Variants in TNFSF8 observed in about 807,000 individuals in gnomAD.
TNFSF8 encodes the protein TNF superfamily member 8.
In TNFSF8, 4 loss-of-function variants were observed where a neutral mutation model predicts 22.0. The observed-to-expected ratio is 0.18, with a 90% CI of 0.09 to 0.42. TNFSF8 has a LOEUF of 0.42. Among genes scored for constraint, TNFSF8 ranks in the 10% least tolerant of loss-of-function variants. TNFSF8 has a pLI of 1.00. For synonymous variants in TNFSF8, 106 were observed against 112.5 expected, an observed-to-expected ratio of 0.94 and a Z score of 0.37; for missense variants, 233 against 281.8, an observed-to-expected ratio of 0.83 and a Z score of 1.24.
intron 2 of TNFSF8, among the ~76,000 whole-genome samples, chr9:114,908,631 G>C (rs2131342962): frequency 6.8e-6 from 1 of 145,988 alleles, no homozygotes; most frequent in South Asian, 2.1e-4. Flanking sequence ...GTAATTCTGA[G>C]AAACCCGAGG....
At chr9:114,896,381 C>T (rs934299609), downstream of TNFSF8, among the ~76,000 whole-genome samples, 2 of 152,154 alleles carry the variant, frequency 1.3e-5, no homozygotes, top group African/African-American at 4.8e-5. Flanking sequence ...GTTCTAAATC[C>T]AGAGATTCTA....
Position 114,904,057 on chromosome 9 carries a change from G to T in TNFSF8, c.579C>A (p.Phe193Leu). Residue 193 changes from phenylalanine (F) to leucine (L), a missense_variant, in exon 4 of 4, where the codon TTC becomes TTA. By Grantham distance (22) the Phe-to-Leu change is conservative. Coordinates refer to ENST00000223795, the MANE Select transcript of TNFSF8 (RefSeq NM_001244.4). The part of the protein sequence containing the change: ...TKHVYQNLSQ[F>L]LLDYLQVNTT... The stretch of plus-strand genomic sequence containing the variant: ...TGTTGACCTGCAGGTAATCCAGCAA[G>T]AATTGAGAGAGATTCTGGTATACGT... 1 of 1,614,140 alleles carries T rather than the reference G, an allele frequency of 6.2e-7. No homozygotes were observed. The highest frequency in any genetic ancestry group is 8.5e-7 in the Non-Finnish European group (1 of 1,179,984).
intron 1 of TNFSF8, among the ~76,000 whole-genome samples, chr9:114,926,050 G>T (rs1048105956): frequency 6.6e-6 from 1 of 152,080 alleles, no homozygotes; most frequent in African/African-American, 2.4e-5. Context: ...TCCTGACTTT[G>T]TAGTCTGTTG....
downstream of TNFSF8, among the ~76,000 whole-genome samples, chr9:114,898,174 T>C (rs1827676553): frequency 1.0e-5 from 1 of 100,224 alleles, no homozygotes; most frequent in Non-Finnish European, 1.9e-5. Context: ...AGCTAATTTT[T>C]TGTATTTTTA....
chr9:114,901,152 TTAGA>T lies in TNFSF8; in HGVS notation c.*2775_*2778del. On this transcript the variant is annotated 3_prime_UTR_variant, in exon 4 of 4. Coordinates refer to ENST00000223795, the MANE Select transcript of TNFSF8 (RefSeq NM_001244.4). ...TGTTTTAGGTAGCCTGAGTTCCCAG[TTAGA>T]TAAATTATTTATTTTACTTGCATAG... 1.0e-6 allele frequency: 1 copy of T among 985,296 alleles called. No homozygotes were observed. Among genetic ancestry groups the T allele is most frequent in the Non-Finnish European group, 1.2e-6 (1 of 829,884 alleles). The allele number at this position is 985,296 out of a possible 1,614,324, so 61.0% of individuals were successfully genotyped here.
At chr9:114,923,212 C>T (rs1828010944) in intron 1 of TNFSF8, among the ~76,000 whole-genome samples, 1 of 152,114 alleles carries the variant, frequency 6.6e-6, no homozygotes, top group Non-Finnish European at 1.5e-5. Flanking sequence ...TTCTTATGGG[C>T]TGTGCCACTG....
chr9:114,897,059 C>T (rs181727003), downstream of TNFSF8, among the ~76,000 whole-genome samples: 106 of 152,188 alleles, frequency 7.0e-4, no homozygotes, highest in Admixed American at 2.2e-3. Context: ...TGTGCCACCA[C>T]GCCTGGCTAA....
chr9:114,911,804 A>G (rs1003915520), intron 2 of TNFSF8, among the ~76,000 whole-genome samples: 2 of 152,102 alleles, frequency 1.3e-5, no homozygotes, highest in African/African-American at 4.8e-5. Flanking sequence ...TGTATCTGCA[A>G]CAGTTAGTAA....
chr9:114,901,724 T>C lies in TNFSF8; in HGVS notation c.*2207A>G, dbSNP rs1048982773. 2 of 985,270 alleles carry C rather than the reference T, an allele frequency of 2.0e-6. No individual in the cohort carries two copies. The highest frequency in any genetic ancestry group is 3.5e-5 in the African/African-American group (2 of 57,206). 61.0% of individuals were successfully genotyped at this position (985,270 alleles called of 1,614,324 possible). On this transcript the variant is annotated 3_prime_UTR_variant, in exon 4 of 4. Coordinates refer to ENST00000223795, the MANE Select transcript of TNFSF8 (RefSeq NM_001244.4). ...TTTGGCTTGCTGAATTCAACACCTC[T>C]TCCAATGCCTGCTTCTCCCAAAGAA...
Position 114,902,314 on chromosome 9 carries a change from T to C in TNFSF8, c.*1617A>G. 1.0e-6 allele frequency: 1 copy of C among 985,330 alleles called. No individual in the cohort carries two copies. The highest frequency in any genetic ancestry group is 1.2e-6 in the Non-Finnish European group (1 of 829,912). The allele number at this position is 985,330 out of a possible 1,614,324, so 61.0% of individuals were successfully genotyped here. On this transcript the variant is annotated 3_prime_UTR_variant, in exon 4 of 4. Transcript: ENST00000223795. ...CTCGCGGAACTGGTTTTCTGAGAGGTGTTTGAAGCAGGAATATATTATGCA... is the reference window on the plus strand; with the variant it reads ...CTCGCGGAACTGGTTTTCTGAGAGGCGTTTGAAGCAGGAATATATTATGCA...
chr9:114,899,347 T>TTA (rs1554775964), downstream of TNFSF8, among the ~76,000 whole-genome samples: 63 of 143,886 alleles, frequency 4.4e-4, 1 homozygote, highest in East Asian at 4.8e-3. Flanking sequence ...AAGTTATTAT[T>TTA]TTTTTTTTTT....
At chr9:114,921,622 C>CA (rs1827988489) in intron 1 of TNFSF8, among the ~76,000 whole-genome samples, 1 of 152,168 alleles carries the variant, frequency 6.6e-6, no homozygotes, top group Non-Finnish European at 1.5e-5. Flanking sequence ...TGTTGTTCAC[C>CA]AACTCCTCTT....
At chr9:114,910,140 A>G (rs1827835285) in intron 2 of TNFSF8, among the ~76,000 whole-genome samples, 1 of 152,172 alleles carries the variant, frequency 6.6e-6, no homozygotes, top group Admixed American at 6.5e-5. Flanking sequence ...CCTCTTCTAG[A>G]AGGATCATGG....
chr9:114,895,051 TAGC>T (rs2131337207), intron 4 of TNFSF8, among the ~76,000 whole-genome samples: 1 of 152,318 alleles, frequency 6.6e-6, no homozygotes, highest in African/African-American at 2.4e-5. Flanking sequence ...TCTGCGTCCC[TAGC>T]AATGGAAAGG....
intron 2 of TNFSF8, among the ~76,000 whole-genome samples, chr9:114,911,465 A>G (rs1827851092): frequency 6.6e-6 from 1 of 152,214 alleles, no homozygotes; most frequent in African/African-American, 2.4e-5. Context: ...AGCAAGGGTC[A>G]TTTCAACTAT....
Position 114,901,907 on chromosome 9 carries a change from A to G in TNFSF8, c.*2024T>C, listed in dbSNP as rs2131339841. The G allele has an allele frequency of 2.1e-6, 2 of 969,490 alleles. No individual in the cohort carries two copies. Among genetic ancestry groups the G allele is most frequent in the African/African-American group, 1.8e-5 (1 of 56,984 alleles). 60.1% of individuals were successfully genotyped at this position (969,490 alleles called of 1,614,324 possible). On this transcript the variant is annotated 3_prime_UTR_variant, in exon 4 of 4. Coordinates refer to ENST00000223795, the MANE Select transcript of TNFSF8 (RefSeq NM_001244.4). ...TCAAGTCCCTTTCATCCATACCACC[A>G]CTGCTGATTTGTTCTTTCTTTTTTT...
At chr9:114,910,035 T>C (rs375942105) in intron 2 of TNFSF8, among the ~76,000 whole-genome samples, 13 of 152,294 alleles carry the variant, frequency 8.5e-5, no homozygotes, top group African/African-American at 3.1e-4. Flanking sequence ...TGTAGGGCAG[T>C]CTATCTTTCA....
rs147142941 is a variant in TNFSF8 at position 114,912,452 on chromosome 9, C to T, written c.238+5644G>A. Among the ~76,000 whole-genome samples, 20 of 152,344 alleles carry T rather than the reference C, an allele frequency of 1.3e-4. No individual in the cohort carries two copies. The East Asian group carries it at 1.9e-3, about 15-fold the overall frequency. On this transcript the variant is annotated intron_variant, in intron 2 of 3. Transcript: ENST00000223795. ...GTTGCCAGGCTGGAGTGCAGTAGTG[C>T]GATCTTGGCTCACTGCAATCTCCGC...
chr9:114,929,760 C>T lies in TNFSF8; in HGVS notation c.195+349G>A, dbSNP rs1828111963. On this transcript the variant is annotated intron_variant, in intron 1 of 3. Transcript: ENST00000223795. ...CTTTAAAAGGCCAATAGCTCCCCTCCACTGTTTTGCTCAGACAGATCTGCA... is the reference window on the plus strand; with the variant it reads ...CTTTAAAAGGCCAATAGCTCCCCTCTACTGTTTTGCTCAGACAGATCTGCA... Among the ~76,000 whole-genome samples the T allele has an allele frequency of 3.3e-5, 5 of 151,852 alleles. No individual in the cohort carries two copies. The South Asian group carries it at 1.0e-3, about 32-fold the overall frequency.
Sources: allele counts gnomAD v4.1 joint callset (sites outside exome capture counted in the v4.1 genomes callset), GRCh38; gene constraint gnomAD v4.1.1; transcripts MANE v1.5; gene names NCBI Gene and HGNC (gene_info 2026-07-23, HGNC 2026-07-21).